The following STX8 variants were observed in gnomAD, a reference collection of about 807,000 sequenced individuals.
STX8 encodes the protein syntaxin 8.
In STX8, 23 loss-of-function variants were observed where a neutral mutation model predicts 37.5. The ratio of observed to expected loss-of-function variants is 0.61; its 90% CI spans 0.44 to 0.87. The LOEUF (loss-of-function observed/expected upper bound fraction) is 0.87. STX8 is among the 40% of genes least tolerant of loss of function. The pLI, the probability that STX8 is intolerant of heterozygous loss-of-function variation, is 0.00. For synonymous variants in STX8, 115 were observed against 99.1 expected, an observed-to-expected ratio of 1.16 and a Z score of -0.95; for missense variants, 313 against 284.7, an observed-to-expected ratio of 1.10 and a Z score of -0.71.
At chr17:9,279,110 C>T (rs1000198533) in intron 7 of STX8, among the ~76,000 whole-genome samples, 1 of 150,750 alleles carries the variant, frequency 6.6e-6, no homozygotes, top group Non-Finnish European at 1.5e-5. Flanking sequence ...GTTGCCCAGG[C>T]TGGAGTTCAG....
chr17:9,290,544 C>T lies in STX8; in HGVS notation c.644-39899G>A, dbSNP rs144042100. ...ATACATTTATCAAAATATAATTATC[C>T]CAAGCACAACCAAAACTGCATTCAC... On this transcript the variant is annotated intron_variant, in intron 7 of 7. Coordinates refer to ENST00000306357, the MANE Select transcript of STX8 (RefSeq NM_004853.3). Among the ~76,000 whole-genome samples, 341 of 152,240 alleles carry T rather than the reference C, an allele frequency of 2.2e-3. 1 individual carries two copies. Among genetic ancestry groups the T allele is most frequent in the African/African-American group, 7.8e-3 (326 of 41,538 alleles).
chr17:9,313,910 A>C (rs556830612), intron 7 of STX8, among the ~76,000 whole-genome samples: 5 of 152,280 alleles, frequency 3.3e-5, no homozygotes, highest in African/African-American at 1.2e-4. Context: ...GATTACAGGC[A>C]TGAGCCACCG....
intron 7 of STX8, among the ~76,000 whole-genome samples, chr17:9,335,933 A>G (rs1252072433): frequency 6.6e-6 from 1 of 152,116 alleles, no homozygotes; most frequent in Non-Finnish European, 1.5e-5. Flanking sequence ...GGGGGGTTAT[A>G]TGGCTATGTG....
chr17:9,561,325 A>C (rs554810529), intron 2 of STX8, among the ~76,000 whole-genome samples: 11 of 152,188 alleles, frequency 7.2e-5, no homozygotes, highest in Non-Finnish European at 1.3e-4. Context: ...ACCAGATCAA[A>C]GCTTAATATA....
intron 6 of STX8, among the ~76,000 whole-genome samples, chr17:9,381,629 A>AC (rs1481363442): frequency 6.6e-6 from 1 of 152,012 alleles, no homozygotes; most frequent in Non-Finnish European, 1.5e-5. Flanking sequence ...TATACCTCCC[A>AC]CCCCTAGGAG....
At chr17:9,545,705 C>A (rs541536633) in intron 3 of STX8, among the ~76,000 whole-genome samples, 81 of 152,262 alleles carry the variant, frequency 5.3e-4, no homozygotes, top group African/African-American at 1.8e-3. Flanking sequence ...CTCAGCCTCC[C>A]GAGTAGCTGG....
chr17:9,314,180 T>C (rs2142195259), intron 7 of STX8, among the ~76,000 whole-genome samples: 1 of 152,338 alleles, frequency 6.6e-6, no homozygotes, highest in South Asian at 2.1e-4. Context: ...GAATGAAAGA[T>C]GAATTAACAC....
chr17:9,266,898 T>C (rs1444531086), intron 7 of STX8, among the ~76,000 whole-genome samples: 1 of 152,196 alleles, frequency 6.6e-6, no homozygotes, highest in African/African-American at 2.4e-5. Context: ...TTTGTCATAG[T>C]TATTCAGTGT....
chr17:9,333,533 G>A (rs1025494691), intron 7 of STX8, among the ~76,000 whole-genome samples: 87 of 152,052 alleles, frequency 5.7e-4, no homozygotes, highest in African/African-American at 1.7e-3. Flanking sequence ...GACTATAGGC[G>A]CCCGCCACCA....
intron 6 of STX8, among the ~76,000 whole-genome samples, chr17:9,416,520 C>T (rs1389813911): frequency 6.6e-6 from 1 of 152,164 alleles, no homozygotes; most frequent in Non-Finnish European, 1.5e-5. Context: ...AGGCACATGC[C>T]ACCACGCCCG....
At position 9,493,408 on chromosome 17, in the gene STX8, G is replaced by A. The variant is rs181578479; in HGVS notation, c.449-1487C>T. Among the ~76,000 whole-genome samples, 274 of 152,296 alleles carry A rather than the reference G, an allele frequency of 1.8e-3. 2 individuals carry two copies. Among genetic ancestry groups the A allele is most frequent in the Non-Finnish European group, 1.6e-3 (110 of 68,022 alleles). On this transcript the variant is annotated intron_variant, in intron 5 of 7. Transcript: ENST00000306357. Reference sequence around the variant, plus strand: ...CTTCAGCAACTGCAACTCCTTCAGTGCCTGGCCCCTTCAGTGCACAGTGGC... The same window carrying A: ...CTTCAGCAACTGCAACTCCTTCAGTACCTGGCCCCTTCAGTGCACAGTGGC...
At chr17:9,457,870 C>T (rs1368926781) in intron 6 of STX8, among the ~76,000 whole-genome samples, 1 of 152,188 alleles carries the variant, frequency 6.6e-6, no homozygotes, top group Admixed American at 6.5e-5. Context: ...GTTACCTGCC[C>T]ATTATCAATC....
At chr17:9,381,770 A>C (rs191519128) in intron 6 of STX8, among the ~76,000 whole-genome samples, 253 of 152,306 alleles carry the variant, frequency 1.7e-3, no homozygotes, top group Middle Eastern at 6.8e-3. Context: ...GGAGTTTGAG[A>C]CCAGCCTGGC....
chr17:9,265,992 G>A (rs756704387), intron 7 of STX8, among the ~76,000 whole-genome samples: 6 of 152,164 alleles, frequency 3.9e-5, no homozygotes, highest in Non-Finnish European at 7.3e-5. Flanking sequence ...AGGGATACCA[G>A]GGAGGGAGTG....
intron 4 of STX8, among the ~76,000 whole-genome samples, chr17:9,537,273 T>C (rs980941806): frequency 7.9e-5 from 12 of 152,142 alleles, no homozygotes; most frequent in Admixed American, 5.9e-4. Flanking sequence ...AAAGACTACA[T>C]CCCCCAGCCG....
At chr17:9,527,723 T>C (rs1315482882) in intron 4 of STX8, among the ~76,000 whole-genome samples, 9 of 152,190 alleles carry the variant, frequency 5.9e-5, no homozygotes, top group Admixed American at 5.9e-4. Flanking sequence ...TCAAGTTCTG[T>C]AACGCCCACT....
chr17:9,268,993 C>T (rs1332024176), intron 7 of STX8, among the ~76,000 whole-genome samples: 1 of 152,142 alleles, frequency 6.6e-6, no homozygotes. Flanking sequence ...CGAGACCATC[C>T]TGGCTAAAAC....
At chr17:9,406,452 A>G (rs1912807238) in intron 6 of STX8, among the ~76,000 whole-genome samples, 1 of 152,222 alleles carries the variant, frequency 6.6e-6, no homozygotes, top group African/African-American at 2.4e-5. Context: ...GCTTGCCTCA[A>G]TAGCAACAGG....
intron 7 of STX8, among the ~76,000 whole-genome samples, chr17:9,348,092 G>T (rs1005960122): frequency 2.6e-5 from 4 of 152,138 alleles, no homozygotes; most frequent in African/African-American, 9.7e-5. Context: ...AATTTATCCT[G>T]TGTGACAGGT....
Sources: allele counts gnomAD v4.1 joint callset (sites outside exome capture counted in the v4.1 genomes callset), GRCh38; gene constraint gnomAD v4.1.1; transcripts MANE v1.5; gene names NCBI Gene and HGNC (gene_info 2026-07-23, HGNC 2026-07-21).